The following MEI4 variants were observed in gnomAD, a reference collection of about 807,000 sequenced individuals.
MEI4 encodes the protein meiosis-specific protein MEI4.
MEI4 carries 27 observed loss-of-function variants against 31.4 expected under a neutral mutation model. That is an observed-to-expected ratio of 0.86 (90% CI 0.63 to 1.19). MEI4 has a LOEUF of 1.19. MEI4 is among the 50% of genes most tolerant of loss of function. The pLI is 0.00. For missense variants in MEI4, 329 were observed against 398.9 expected, an observed-to-expected ratio of 0.82 and a Z score of 1.49; for synonymous variants, 122 against 145.4, an observed-to-expected ratio of 0.84 and a Z score of 1.16.
At chr6:77,676,288 T>C (rs1261921700) in intron 1 of MEI4, among the ~76,000 whole-genome samples, 6 of 152,006 alleles carry the variant, frequency 3.9e-5, no homozygotes, top group African/African-American at 1.2e-4. Flanking sequence ...TACTATGAAA[T>C]AGTTATAATT....
chr6:77,908,267 A>T (rs1214528447), intron 4 of MEI4, among the ~76,000 whole-genome samples: 5 of 151,906 alleles, frequency 3.3e-5, no homozygotes, highest in African/African-American at 7.3e-5. Flanking sequence ...TCTTCTAGGG[A>T]TTTTATGGTT....
chr6:77,893,531 C>T (rs184383950), intron 4 of MEI4, among the ~76,000 whole-genome samples: 7 of 152,260 alleles, frequency 4.6e-5, no homozygotes, highest in Admixed American at 6.5e-5. Flanking sequence ...ACATATGTAA[C>T]GCTACCATGA....
intron 1 of MEI4, among the ~76,000 whole-genome samples, chr6:77,674,492 T>C (rs527443979): frequency 1.3e-5 from 2 of 152,202 alleles, no homozygotes; most frequent in Non-Finnish European, 2.9e-5. Flanking sequence ...TACTTAGCAT[T>C]GTGTTGCAGT....
At chr6:77,876,383 T>A (rs1011112769) in intron 4 of MEI4, among the ~76,000 whole-genome samples, 1 of 152,162 alleles carries the variant, frequency 6.6e-6, no homozygotes, top group Admixed American at 6.6e-5. Context: ...AAAGGATAAG[T>A]TCAGCTCCAT....
chr6:77,879,251 T>C (rs1022198938), intron 4 of MEI4, among the ~76,000 whole-genome samples: 6 of 152,186 alleles, frequency 3.9e-5, no homozygotes, highest in African/African-American at 1.4e-4. Flanking sequence ...GCTGTGAACA[T>C]TGTGAAAGTT....
chr6:77,793,495 A>G (rs1582150254), intron 3 of MEI4, among the ~76,000 whole-genome samples: 1 of 152,138 alleles, frequency 6.6e-6, no homozygotes, highest in Non-Finnish European at 1.5e-5. Flanking sequence ...AGAGCAGAAA[A>G]CTCTAATATT....
chr6:77,883,742 A>ATATATATATATG (rs922153293), intron 4 of MEI4, among the ~76,000 whole-genome samples: 10 of 139,864 alleles, frequency 7.1e-5, no homozygotes, highest in African/African-American at 2.5e-4. Context: ...ATATATATAT[A>ATATATATATATG]TAACTTTGTC....
intron 2 of MEI4, among the ~76,000 whole-genome samples, chr6:77,699,189 C>CTTTTTTTTT (rs70974682): frequency 8.8e-6 from 1 of 113,832 alleles, no homozygotes; most frequent in African/African-American, 3.5e-5. Context: ...TTCAAAGTTT[C>CTTTTTTTTT]TTTTTTTTTT....
chr6:77,650,614 C>T (rs1179768717), upstream of MEI4, among the ~76,000 whole-genome samples: 1 of 152,206 alleles, frequency 6.6e-6, no homozygotes, highest in African/African-American at 2.4e-5. Flanking sequence ...TCCAGGACGC[C>T]CTCCCTCAGC....
At chr6:77,788,052 A>G (rs1198610222) in intron 3 of MEI4, among the ~76,000 whole-genome samples, 1 of 152,154 alleles carries the variant, frequency 6.6e-6, no homozygotes, top group Non-Finnish European at 1.5e-5. Context: ...TTTTCTATTG[A>G]TTGGAATAGT....
chr6:77,797,315 C>G (rs1769106076), intron 3 of MEI4, among the ~76,000 whole-genome samples: 1 of 152,058 alleles, frequency 6.6e-6, no homozygotes, highest in Non-Finnish European at 1.5e-5. Context: ...AAAGCACAGA[C>G]TATAAAAACA....
chr6:77,700,389 C>G (rs1766187961), intron 2 of MEI4, among the ~76,000 whole-genome samples: 1 of 152,200 alleles, frequency 6.6e-6, no homozygotes, highest in Non-Finnish European at 1.5e-5. Context: ...TAGGACCCTC[C>G]TAGCCATGTG....
chr6:77,741,963 G>T (rs1313357805), intron 2 of MEI4, among the ~76,000 whole-genome samples: 3 of 151,740 alleles, frequency 2.0e-5, no homozygotes, highest in African/African-American at 7.3e-5. Flanking sequence ...CATTTTTTAT[G>T]GCTGCATAGT....
intron 3 of MEI4, among the ~76,000 whole-genome samples, chr6:77,804,543 G>A (rs1472373186): frequency 1.3e-5 from 2 of 152,100 alleles, no homozygotes; most frequent in Admixed American, 6.5e-5. Flanking sequence ...CTTCTATTTC[G>A]CTCACGCTGG....
chr6:77,802,930 G>C (rs1769310792), intron 3 of MEI4, among the ~76,000 whole-genome samples: 1 of 152,094 alleles, frequency 6.6e-6, no homozygotes, highest in Admixed American at 6.5e-5. Flanking sequence ...CAACTTTGGT[G>C]AATCTTACAA....
intron 3 of MEI4, among the ~76,000 whole-genome samples, chr6:77,783,584 G>A (rs1396633556): frequency 6.6e-6 from 1 of 152,100 alleles, no homozygotes; most frequent in Non-Finnish European, 1.5e-5. Context: ...TTTAATTTGT[G>A]TTGTGGAAGC....
chr6:77,819,390 T>G (rs1391604907), intron 3 of MEI4, among the ~76,000 whole-genome samples: 2 of 152,178 alleles, frequency 1.3e-5, no homozygotes, highest in African/African-American at 4.8e-5. Context: ...ATAGAGATAA[T>G]ATTTTGTTTT....
intron 4 of MEI4, among the ~76,000 whole-genome samples, chr6:77,883,057 A>G (rs1771526189): frequency 6.6e-6 from 1 of 152,162 alleles, no homozygotes; most frequent in Non-Finnish European, 1.5e-5. Context: ...TCGTACAAGT[A>G]TCGGTTAAGT....
At chr6:77,803,395 A>G (rs1416026570) in intron 3 of MEI4, among the ~76,000 whole-genome samples, 1 of 152,036 alleles carries the variant, frequency 6.6e-6, no homozygotes, top group African/African-American at 2.4e-5. Context: ...CAAGATTTTT[A>G]ACTTCCTTGC....
Sources: allele counts gnomAD v4.1 joint callset (sites outside exome capture counted in the v4.1 genomes callset), GRCh38; gene constraint gnomAD v4.1.1; transcripts MANE v1.5; gene names NCBI Gene and HGNC (gene_info 2026-07-23, HGNC 2026-07-21).